Variants in G3BP1 observed in about 807,000 individuals in gnomAD.
The protein encoded by G3BP1 is G3BP stress granule assembly factor 1.
G3BP1 carries 35 observed loss-of-function variants against 58.6 expected under a neutral mutation model. The ratio of observed to expected loss-of-function variants is 0.60; its 90% CI spans 0.46 to 0.79. The LOEUF is 0.79. G3BP1 is among the 30% of genes least tolerant of loss of function. The pLI is 0.00. For synonymous variants in G3BP1, 191 were observed against 195.4 expected, an observed-to-expected ratio of 0.98 and a Z score of 0.19; for missense variants, 523 against 580.8, an observed-to-expected ratio of 0.90 and a Z score of 1.02.
At position 151,790,950 on chromosome 5, in the gene G3BP1, T is replaced by C. The variant is rs777506200; in HGVS notation, c.239T>C (p.Val80Ala). The C allele has an allele frequency of 6.2e-7, 1 of 1,611,692 alleles. No individual in the cohort carries two copies. The highest frequency in any genetic ancestry group is 1.1e-5 in the South Asian group (1 of 91,002). ...FTNCHTKIRH[V>A]DAHATLNDGV... ...AACTGCCACACCAAGATTCGCCATG[T>C]TGATGCTCATGCCACGCTAAATGAT... The change falls in exon 4 of 12, where the codon GTT becomes GCT. Residue 80 changes from valine to alanine, a missense_variant. This residue lies in a region of G3BP1 where 398 missense variants were observed against 399.1 expected (regional missense o/e 1.00). Transcript: ENST00000356245.
rs1012028655 is a variant in G3BP1, at chr5:151,797,339, G to A, written c.652G>A (p.Val218Ile). The A allele has an allele frequency of 4.3e-6, 7 of 1,614,108 alleles. No homozygotes were observed. The highest frequency in any genetic ancestry group is 1.1e-5 in the South Asian group (1 of 91,082). The change falls in exon 7 of 12, where the codon GTA becomes ATA. Residue 218 changes from valine to isoleucine, a missense_variant. Val to Ile is a conservative substitution (Grantham distance 29, BLOSUM62 3). Transcript: ENST00000356245. ...SEIQEEKPEP[V>I]LEETAPEDAQ... ...AATCCAAGAGGAAAAGCCTGAGCCA[G>A]TATTAGAAGAAACTGCCCCTGAGGA...
At position 151,803,981 on chromosome 5, in the gene G3BP1, C is replaced by T. The variant is rs1330073763; in HGVS notation, c.1291C>T (p.Pro431Ser). The stretch of plus-strand genomic sequence containing the variant: ...CCGACGAGATAATCGCCTTCGGGGA[C>T]CTGGAGGCCCTCGAGGTGGGCTGGG... ...GDRRDNRLRG[P>S]GGPRGGLGGG... Residue 431 changes from proline to serine, a missense_variant, in exon 12 of 12, where the codon CCT (proline) becomes TCT (serine). Pro to Ser is a moderately conservative substitution (Grantham distance 74). Around this residue, in one of 2 missense-constraint regions of G3BP1, gnomAD observed 125 missense variants for 181.7 expected, o/e 0.69. Transcript: ENST00000356245. 1 of 1,613,298 alleles carries T rather than the reference C, an allele frequency of 6.2e-7. No homozygotes were observed. Among genetic ancestry groups the T allele is most frequent in the East Asian group, 2.2e-5 (1 of 44,844 alleles).
rs1485660863 is a variant in G3BP1, at chr5:151,806,335, A to C, written c.*2244A>C. 6.6e-6 allele frequency: 1 copy of C among 152,172 alleles called. No homozygotes were observed. Among genetic ancestry groups the C allele is most frequent in the Admixed American group, 6.5e-5 (1 of 15,280 alleles). The allele number at this position is 152,172 out of a possible 1,614,324, so 9.4% of individuals were successfully genotyped here. On this transcript the variant is annotated 3_prime_UTR_variant, in exon 12 of 12. Transcript: ENST00000356245. ...ATTTCACTTTTTATTATTTGTACCA[A>C]ATGTATGTGTGTGTTGTGTATGTTG...
At chr5:151,793,038 C>G (rs1409238957) in intron 4 of G3BP1, among the ~76,000 whole-genome samples, 6 of 152,102 alleles carry the variant, frequency 3.9e-5, no homozygotes, top group African/African-American at 1.2e-4. Flanking sequence ...GCTGCACTAC[C>G]CTTGAGTGTT....
rs1762599011 is a variant in G3BP1, at chr5:151,788,876, C to T, written c.96-1447C>T. On this transcript the variant is annotated intron_variant, in intron 2 of 11. Coordinates refer to ENST00000356245, the MANE Select transcript of G3BP1 (RefSeq NM_005754.3). ...CACCACAACCTCTGTCTCCCAGGTT[C>T]AAGTGGTTCTCCTGCCTTAGTCTCC... is the stretch of plus-strand genomic sequence containing the variant. Among the ~76,000 whole-genome samples the T allele has an allele frequency of 4.0e-5, 6 of 151,864 alleles. No individual in the cohort carries two copies. In the South Asian group the frequency reaches 1.3e-3, roughly 32 times the overall value.
chr5:151,790,206 G>C (rs546633747), intron 2 of G3BP1, 117 bp from the exon 3 acceptor site: 1 of 528,474 alleles, frequency 1.9e-6, no homozygotes, highest in East Asian at 3.7e-5. Flanking sequence ...ACTCCAGCCT[G>C]GGTGACAGAA....
At chr5:151,801,019 A>G (rs900885549) in intron 11 of G3BP1, 150 bp downstream of exon 11, 9 of 553,232 alleles carry the variant, frequency 1.6e-5, no homozygotes, top group Non-Finnish European at 2.9e-5. Context: ...ACCATTATTA[A>G]AAGACTTGCC....
chr5:151,783,508 A>G (rs540365666), intron 1 of G3BP1, among the ~76,000 whole-genome samples: 40 of 151,778 alleles, frequency 2.6e-4, no homozygotes, highest in Admixed American at 6.6e-5. Flanking sequence ...CCCAGGTTCA[A>G]GTGATTCTCG....
At chr5:151,794,312 T>G in intron 5 of G3BP1, 63 bp downstream of exon 5, 2 of 847,988 alleles carry the variant, frequency 2.4e-6, no homozygotes, top group South Asian at 2.7e-5. Context: ...CGATTGCCCT[T>G]AAGAGACTAT....
intron 1 of G3BP1, among the ~76,000 whole-genome samples, chr5:151,781,018 A>G (rs1762461878): frequency 6.6e-6 from 1 of 152,160 alleles, no homozygotes; most frequent in Admixed American, 6.6e-5. Context: ...TTCAATGAAT[A>G]TATTGGAAAA....
intron 5 of G3BP1, among the ~76,000 whole-genome samples, 187 bp from the exon 6 acceptor site, chr5:151,795,292 A>G (rs1014546928): frequency 1.3e-5 from 2 of 152,044 alleles, no homozygotes; most frequent in Non-Finnish European, 1.5e-5. Flanking sequence ...AACAAAAAAC[A>G]AAAAAAAGTC....
Position 151,799,268 on chromosome 5 carries a change from A to G in G3BP1, c.798A>G (p.Pro266=), listed in dbSNP as rs937993371. 1.2e-6 allele frequency: 2 copies of G among 1,605,572 alleles called. No individual in the cohort carries two copies. The highest frequency in any genetic ancestry group is 1.3e-5 in the African/African-American group (1 of 74,782). Reference sequence around the variant, plus strand: ...ATCTTCCACCCAGTGGAGCTGTTCCAGTTACTGGGATACCACCTCATGTTG... The same window carrying G: ...ATCTTCCACCCAGTGGAGCTGTTCCGGTTACTGGGATACCACCTCATGTTG... The part of the protein sequence containing the change: ...SKNLPPSGAV[P]VTGIPPHVVK... Residue 266 remains proline, a synonymous_variant, in exon 8 of 12, where the codon CCA becomes CCG. Transcript: ENST00000356245.
In G3BP1 at chr5:151,807,792, C is replaced by G. The variant is rs946310194; in HGVS notation, c.*3701C>G. ...TTATAGAAGGCCATTTTAGAACTTA[C>G]AGGTAACCTTTTTGAAGAGCTTAGA... On this transcript the variant is annotated 3_prime_UTR_variant, in exon 12 of 12. Transcript: ENST00000356245. The G allele has an allele frequency of 2.0e-5, 3 of 152,186 alleles. No homozygotes were observed. The South Asian group carries it at 6.2e-4, about 31-fold the overall frequency. 9.4% of individuals were successfully genotyped at this position (152,186 alleles called of 1,614,324 possible).
In G3BP1 at chr5:151,809,026, A is replaced by G. The variant is rs2113261589; in HGVS notation, c.*4935A>G. ...ACCCTGTCTCTACAGATAATTGAAA[A>G]GTGAGCCAGATGTGGTGGCGCATTC... On this transcript the variant is annotated 3_prime_UTR_variant, in exon 12 of 12. Coordinates refer to ENST00000356245, the MANE Select transcript of G3BP1 (RefSeq NM_005754.3). 1 of 152,304 alleles carries G rather than the reference A, an allele frequency of 6.6e-6. No homozygotes were observed. The highest frequency in any genetic ancestry group is 1.9e-4 in the East Asian group (1 of 5,170). The allele number at this position is 152,304 out of a possible 1,614,324, so 9.4% of individuals were successfully genotyped here.
intron 2 of G3BP1, 93 bp downstream of exon 2, chr5:151,786,808 A>G: frequency 4.9e-6 from 4 of 811,854 alleles, no homozygotes; most frequent in Non-Finnish European, 8.5e-6. Flanking sequence ...TATGCTTTGT[A>G]GGGTTGTTGC....
In G3BP1 at chr5:151,798,044, G is replaced by A. The variant is rs1865012; in HGVS notation, c.741+616G>A. 8.7e-3 allele frequency among the ~76,000 whole-genome samples: 1,320 copies of A among 152,260 alleles called. 16 individuals carry two copies. Among genetic ancestry groups the A allele is most frequent in the African/African-American group, 0.03 (1,267 of 41,560 alleles). ...TTATAGGCTCAGGGTTATGTCATTTGTTTGTTCAATAATTCAAATTCCTGC... is the reference window on the plus strand; with the variant it reads ...TTATAGGCTCAGGGTTATGTCATTTATTTGTTCAATAATTCAAATTCCTGC... On this transcript the variant is annotated intron_variant, in intron 7 of 11. Transcript: ENST00000356245.
At chr5:151,800,138 G>A in intron 9 of G3BP1, 80 bp from the exon 10 acceptor site, 3 of 1,401,120 alleles carry the variant, frequency 2.1e-6, no homozygotes, top group Non-Finnish European at 3.0e-6. Context: ...AGTGTAGAGG[G>A]AAAACTATTG....
Position 151,791,039 on chromosome 5 carries a change from C to A in G3BP1, c.328C>A (p.Gln110Lys). ...CAACCAGGCTTTGAGGAGATTCATG[C>A]AAACGTTTGTCCTTGCTCCTGAGGT... ...NNNQALRRFM[Q>K]TFVLAPEGSV... The change falls in exon 4 of 12, where the codon CAA (glutamine) becomes AAA (lysine). Residue 110 changes from glutamine to lysine, a missense_variant. Coordinates refer to ENST00000356245, the MANE Select transcript of G3BP1 (RefSeq NM_005754.3). 2 of 1,613,670 alleles carry A rather than the reference C, an allele frequency of 1.2e-6. No homozygotes were observed. Among genetic ancestry groups the A allele is most frequent in the Non-Finnish European group, 1.7e-6 (2 of 1,179,704 alleles).
chr5:151,786,826 T>C, intron 2 of G3BP1, 111 bp downstream of exon 2: 1 of 700,936 alleles, frequency 1.4e-6, no homozygotes, highest in Non-Finnish European at 2.5e-6. Context: ...TGCATAATAC[T>C]TATTTACATA....
Sources: gnomAD v4.1 joint callset for allele counts (sites outside exome capture counted in the v4.1 genomes callset) on GRCh38, gnomAD v4.1.1 for gene constraint, gnomAD v4.1.1 regional missense constraint, MANE v1.5 for transcripts, NCBI Gene and HGNC (gene_info 2026-07-23, HGNC 2026-07-21) for gene names.